The following EIF4G3 variants were observed in gnomAD, a reference collection of about 807,000 sequenced individuals.
The protein encoded by EIF4G3 is eukaryotic translation initiation factor 4 gamma 3.
In EIF4G3, 34 loss-of-function variants were observed where a neutral mutation model predicts 186.4. The observed-to-expected ratio is 0.18, with a 90% confidence interval of 0.14 to 0.24. EIF4G3 has a LOEUF of 0.24. Ranked by LOEUF, EIF4G3 falls within the 10% of genes least tolerant of loss-of-function variation. The pLI is 1.00. For synonymous variants in EIF4G3, 673 were observed against 679.5 expected (o/e 0.99, Z 0.15); for missense variants, 1,536 against 1,948.5 (o/e 0.79, Z 3.99).
chr1:20,936,968 A>C (rs1223027700), intron 14 of EIF4G3, among the ~76,000 whole-genome samples: 2 of 152,232 alleles, frequency 1.3e-5, no homozygotes, highest in African/African-American at 4.8e-5. Flanking sequence ...ACGAGAATAT[A>C]AGGTAAACTA....
chr1:21,120,231 C>T (rs2102342154), intron 2 of EIF4G3, among the ~76,000 whole-genome samples: 1 of 151,520 alleles, frequency 6.6e-6, no homozygotes, highest in East Asian at 1.9e-4. Context: ...TCCAGTCCAT[C>T]TTCTTTTCCT....
chr1:20,953,612 T>G (rs968591706), intron 12 of EIF4G3, among the ~76,000 whole-genome samples: 6 of 152,244 alleles, frequency 3.9e-5, no homozygotes, highest in African/African-American at 1.4e-4. Flanking sequence ...AAATTCATTT[T>G]TCTTTACATA....
chr1:20,899,855 G>A lies in EIF4G3; in HGVS notation c.1841C>T (p.Pro614Leu). The change falls in exon 16 of 37, where the codon CCC becomes CTC. Residue 614 changes from proline to leucine, a missense_variant. Around this residue, in one of 11 missense-constraint regions of EIF4G3, gnomAD observed 560 missense variants for 547.8 expected, o/e 1.02. Coordinates refer to ENST00000602326, the MANE Select transcript of EIF4G3 (RefSeq NM_001391906.1). Reference protein sequence around the residue: ...MSQGFHPERDPSDLKKVKAVE... With the variant: ...MSQGFHPERDLSDLKKVKAVE... ...AGCTTTCACTTTTTTTAGGTCAGAG[G>A]GGTCTCTTTCAGGATGAAACCCCTG... 1 of 1,613,976 alleles carries A rather than the reference G, an allele frequency of 6.2e-7. No individual in the cohort carries two copies. The highest frequency in any genetic ancestry group is 8.5e-7 in the Non-Finnish European group (1 of 1,179,996).
At chr1:20,935,868 C>A (rs919524476) in intron 14 of EIF4G3, among the ~76,000 whole-genome samples, 1 of 152,178 alleles carries the variant, frequency 6.6e-6, no homozygotes, top group Admixed American at 6.5e-5. Context: ...ACTGAATTAC[C>A]TTCTCTGGAA....
chr1:21,063,552 TAAGTA>T, intron 3 of EIF4G3, among the ~76,000 whole-genome samples: 1 of 152,260 alleles, frequency 6.6e-6, no homozygotes, highest in East Asian at 1.9e-4. Flanking sequence ...GGTATAATTT[TAAGTA>T]AAGAAAGCAG....
intron 2 of EIF4G3, among the ~76,000 whole-genome samples, chr1:21,127,830 T>G (rs2097076821): frequency 2.0e-5 from 3 of 152,206 alleles, no homozygotes; most frequent in Non-Finnish European, 4.4e-5. Flanking sequence ...TCTTATAAAT[T>G]GCACAATTCA....
chr1:21,135,950 G>A lies in EIF4G3; in HGVS notation c.-272+40225C>T, dbSNP rs367660402. ...TGTAATCCCAGCACTTTGGGAGGCC[G>A]AGGCGGGTGGATCATGAGGTCAGGA... On this transcript the variant is annotated intron_variant, in intron 2 of 36. Coordinates refer to ENST00000602326, the MANE Select transcript of EIF4G3 (RefSeq NM_001391906.1). Among the ~76,000 whole-genome samples the A allele has an allele frequency of 2.2e-3, 328 of 149,590 alleles. 3 individuals are homozygous for A. Among genetic ancestry groups the A allele is most frequent in the East Asian group, 2.2e-3 (11 of 4,946 alleles).
Position 20,817,514 on chromosome 1 carries a change from T to C in EIF4G3, c.4393A>G (p.Ser1465Gly). 6.2e-7 allele frequency: 1 copy of C among 1,601,008 alleles called. No individual in the cohort carries two copies. The change falls in exon 34 of 37, where the codon AGT (serine) becomes GGT (glycine). Residue 1465 changes from serine (S) to glycine (G), a missense_variant. By Grantham distance (56) the Ser-to-Gly change is moderately conservative. Around this residue, in one of 11 missense-constraint regions of EIF4G3, gnomAD observed 395 missense variants for 498.9 expected, o/e 0.79. Transcript: ENST00000602326. Reference sequence around the variant, plus strand: ...GAAAGTGCTTCAGAGGAACAGGGACTGTCAGACTCTATGAAGTCCAACTTC... The same window carrying C: ...GAAAGTGCTTCAGAGGAACAGGGACCGTCAGACTCTATGAAGTCCAACTTC... ...EQKLDFIESDSPCSSEALSKK... is the reference protein window; with the variant it reads ...EQKLDFIESDGPCSSEALSKK...
intron 14 of EIF4G3, among the ~76,000 whole-genome samples, chr1:20,914,488 T>A (rs1185835214): frequency 6.6e-6 from 1 of 152,090 alleles, no homozygotes; most frequent in African/African-American, 2.4e-5. Context: ...GACAAAGGAA[T>A]AGACTCTTCC....
rs1221475110 is a variant in EIF4G3 at position 20,849,489 on chromosome 1, C to T, written c.3814G>A (p.Ala1272Thr). 2 of 1,565,726 alleles carry T rather than the reference C, an allele frequency of 1.3e-6. No homozygotes were observed. Among genetic ancestry groups the T allele is most frequent in the Non-Finnish European group, 1.7e-6 (2 of 1,159,682 alleles). ...CTCTCCAGTTCCTCTTCTGATAATG[C>T]AGCCTTGTCATGAGCTGACATTGCT... ...ISAMSAHDKA[A>T]LSEEELERKS... The change falls in exon 29 of 37, where the codon GCA becomes ACA. Residue 1272 changes from alanine to threonine, a missense_variant. Ala to Thr is a moderately conservative substitution (Grantham distance 58). This residue lies in a region of EIF4G3 where 395 missense variants were observed against 498.9 expected (regional missense o/e 0.79). Transcript: ENST00000602326.
intron 3 of EIF4G3, among the ~76,000 whole-genome samples, chr1:21,070,677 C>T (rs2095416579): frequency 6.6e-6 from 1 of 152,060 alleles, no homozygotes; most frequent in Non-Finnish European, 1.5e-5. Flanking sequence ...AAATAAAAAA[C>T]AAACTACCTT....
At chr1:21,167,104 T>C (rs1377686552) in intron 2 of EIF4G3, among the ~76,000 whole-genome samples, 1 of 152,142 alleles carries the variant, frequency 6.6e-6, no homozygotes, top group East Asian at 1.9e-4. Flanking sequence ...CCAAGTTCTA[T>C]TTCTTACATA....
chr1:21,020,382 T>C (rs1370293253), intron 4 of EIF4G3, among the ~76,000 whole-genome samples: 1 of 152,018 alleles, frequency 6.6e-6, no homozygotes, highest in Admixed American at 6.5e-5. Flanking sequence ...CTGAGCTACT[T>C]GCAAGGCTGA....
In EIF4G3 at chr1:21,162,930, T is replaced by A. The variant is rs971518061; in HGVS notation, c.-272+13245A>T. Among the ~76,000 whole-genome samples the A allele has an allele frequency of 2.0e-5, 3 of 152,240 alleles. No homozygotes were observed. The East Asian group carries it at 5.8e-4, about 29-fold the overall frequency. On this transcript the variant is annotated intron_variant, in intron 2 of 36. Transcript: ENST00000602326. Reference sequence around the variant, plus strand: ...AATAAATTTGAGTTGGCATGAACTTTATGGTTAGGCAAGTTGCCCTAACCT... The same window carrying A: ...AATAAATTTGAGTTGGCATGAACTTAATGGTTAGGCAAGTTGCCCTAACCT...
rs148901017 is a variant in EIF4G3 at position 21,014,769 on chromosome 1, G to A, written c.-66-11961C>T. On this transcript the variant is annotated intron_variant, in intron 4 of 36. Coordinates refer to ENST00000602326, the MANE Select transcript of EIF4G3 (RefSeq NM_001391906.1). Reference sequence around the variant, plus strand: ...CCTGCCCAGCCTCCCTAGTAGCTGGGATAAGAGGCATGCACTACCACACCC... The same window carrying A: ...CCTGCCCAGCCTCCCTAGTAGCTGGAATAAGAGGCATGCACTACCACACCC... 2.7e-3 allele frequency among the ~76,000 whole-genome samples: 408 copies of A among 151,972 alleles called. 1 individual carries two copies. The highest frequency in any genetic ancestry group is 6.8e-3 in the Middle Eastern group (2 of 294).
chr1:21,087,512 G>A (rs2096026697), intron 3 of EIF4G3, among the ~76,000 whole-genome samples: 1 of 152,128 alleles, frequency 6.6e-6, no homozygotes, highest in Admixed American at 6.5e-5. Flanking sequence ...AAAATTAAAT[G>A]GGCTGGGCAT....
rs571851810 is a variant in EIF4G3, at chr1:20,926,428, C to G, written c.1663+15063G>C. Among the ~76,000 whole-genome samples the G allele has an allele frequency of 2.0e-5, 3 of 152,272 alleles. No individual in the cohort carries two copies. The South Asian group carries it at 6.2e-4, about 32-fold the overall frequency. ...GGCATGGTAGCTCATGCCTGTAACC[C>G]CAGCACTTTGGAAGGCCAAGGCAGG... On this transcript the variant is annotated intron_variant, in intron 14 of 36. Coordinates refer to ENST00000602326, the MANE Select transcript of EIF4G3 (RefSeq NM_001391906.1).
At chr1:21,023,234 C>T (rs1460940396) in intron 4 of EIF4G3, among the ~76,000 whole-genome samples, 2 of 37,892 alleles carry the variant, frequency 5.3e-5, no homozygotes, top group Admixed American at 3.4e-4. Flanking sequence ...CCTCTCCCTC[C>T]CCCTCCCCTC....
chr1:21,031,403 G>T (rs1490205467), intron 4 of EIF4G3, among the ~76,000 whole-genome samples: 1 of 141,996 alleles, frequency 7.0e-6, no homozygotes, highest in Non-Finnish European at 1.5e-5. Context: ...AAAAAAAAAA[G>T]AGGGAGAGAG....
Sources: allele counts gnomAD v4.1 joint callset (sites outside exome capture counted in the v4.1 genomes callset), GRCh38; gene constraint gnomAD v4.1.1; regional missense constraint gnomAD v4.1.1; transcripts MANE v1.5; gene names NCBI Gene and HGNC (gene_info 2026-07-23, HGNC 2026-07-21).